GRIN2B: variants seen among roughly 807,000 people sequenced by gnomAD.
GRIN2B encodes glutamate receptor ionotropic, NMDA 2B.
In GRIN2B, 5 loss-of-function variants were observed where a neutral mutation model predicts 114.5. The observed-to-expected ratio is 0.04, with a 90% CI of 0.02 to 0.09. The LOEUF is 0.09. Among genes scored for constraint, GRIN2B ranks in the 10% least tolerant of loss-of-function variants. GRIN2B has a pLI of 1.00. For missense variants in GRIN2B, 1,108 were observed against 1,943.5 expected (o/e 0.57, Z 8.08); for synonymous variants, 787 against 745.1 (o/e 1.06, Z -0.92).
chr12:13,879,205 C>T (rs993223244), intron 2 of GRIN2B, among the ~76,000 whole-genome samples: 4 of 152,050 alleles, frequency 2.6e-5, no homozygotes, highest in Non-Finnish European at 4.4e-5. Context: ...ACACAAAGCT[C>T]GATGGTACAG....
chr12:13,622,428 G>C lies in GRIN2B; in HGVS notation c.1126-5771C>G, dbSNP rs572328036. 9.2e-5 allele frequency among the ~76,000 whole-genome samples: 14 copies of C among 152,186 alleles called. No individual in the cohort carries two copies. In the South Asian group the frequency reaches 1.2e-3, roughly 14 times the overall value. The stretch of plus-strand genomic sequence containing the variant: ...ACTCTGAATAGAGCAGAAATCCGAG[G>C]ACAGGAGGACACCCTCACTTCCCCA... On this transcript the variant is annotated intron_variant, in intron 5 of 13. Coordinates refer to ENST00000609686, the MANE Select transcript of GRIN2B (RefSeq NM_000834.5).
intron 2 of GRIN2B, among the ~76,000 whole-genome samples, chr12:13,947,869 G>C (rs1225627251): frequency 6.6e-6 from 1 of 152,130 alleles, no homozygotes; most frequent in Non-Finnish European, 1.5e-5. Flanking sequence ...GTTAAACCAC[G>C]CTGTAGGCTT....
chr12:13,919,267 T>C (rs1233935288), intron 2 of GRIN2B, among the ~76,000 whole-genome samples: 1 of 152,214 alleles, frequency 6.6e-6, no homozygotes, highest in African/African-American at 2.4e-5. Flanking sequence ...TAGTTTATAC[T>C]TTATGGTTCT....
intron 10 of GRIN2B, among the ~76,000 whole-genome samples, chr12:13,578,379 CTG>C (rs1948804965): frequency 1.3e-5 from 2 of 152,184 alleles, no homozygotes; most frequent in South Asian, 4.1e-4. Flanking sequence ...AAACCTCGCT[CTG>C]AGAGAATCGG....
chr12:13,605,395 G>A (rs779244932), intron 10 of GRIN2B, among the ~76,000 whole-genome samples: 5 of 152,104 alleles, frequency 3.3e-5, no homozygotes, highest in African/African-American at 4.8e-5. Context: ...TGCATAGATA[G>A]AGGTATGGTT....
chr12:13,885,404 A>G (rs1241881725), intron 2 of GRIN2B, among the ~76,000 whole-genome samples: 3 of 152,194 alleles, frequency 2.0e-5, no homozygotes, highest in African/African-American at 7.2e-5. Context: ...GCAAGTATAC[A>G]TTCCTAAGAG....
rs1275523450 is a variant in GRIN2B, at chr12:13,636,390, G to A, written c.1126-19733C>T. On this transcript the variant is annotated intron_variant, in intron 5 of 13. Coordinates refer to ENST00000609686, the MANE Select transcript of GRIN2B (RefSeq NM_000834.5). ...GTATGTGGTGGAAAGTCATGGCAGG[G>A]TTTTGAGCAAATAGCAGACACAAAC... 2.6e-5 allele frequency among the ~76,000 whole-genome samples: 4 copies of A among 152,152 alleles called. No individual in the cohort carries two copies. In the East Asian group the frequency reaches 7.7e-4, roughly 29 times the overall value.
chr12:13,576,161 A>ATT (rs5796551), intron 10 of GRIN2B, among the ~76,000 whole-genome samples: 1 of 152,174 alleles, frequency 6.6e-6, no homozygotes, highest in Non-Finnish European at 1.5e-5. Flanking sequence ...TAAAACAGAG[A>ATT]TTTTTTATAC....
At chr12:13,587,069 C>T (rs768427158) in intron 10 of GRIN2B, among the ~76,000 whole-genome samples, 2 of 152,068 alleles carry the variant, frequency 1.3e-5, no homozygotes, top group Non-Finnish European at 2.9e-5. Context: ...TATGAAGAGA[C>T]AATTAAATAT....
intron 2 of GRIN2B, among the ~76,000 whole-genome samples, chr12:13,885,710 A>G (rs1025895339): frequency 6.6e-6 from 1 of 152,230 alleles, no homozygotes; most frequent in Non-Finnish European, 1.5e-5. Context: ...TCCTAAAAGA[A>G]GTAGTATTCT....
intron 3 of GRIN2B, among the ~76,000 whole-genome samples, chr12:13,781,742 G>A (rs1864118670): frequency 6.6e-6 from 1 of 152,100 alleles, no homozygotes; most frequent in South Asian, 2.1e-4. Flanking sequence ...TCAGTATAAG[G>A]AAAATCTCTT....
chr12:13,894,054 T>G (rs908819262), intron 2 of GRIN2B, among the ~76,000 whole-genome samples: 5 of 152,042 alleles, frequency 3.3e-5, no homozygotes, highest in African/African-American at 1.2e-4. Context: ...ATAAAGATTT[T>G]TTATTTAGAT....
At chr12:13,944,103 G>A (rs542548481) in intron 2 of GRIN2B, among the ~76,000 whole-genome samples, 1 of 152,220 alleles carries the variant, frequency 6.6e-6, no homozygotes, top group East Asian at 1.9e-4. Context: ...ATATGGATGG[G>A]CCTATTCATT....
At chr12:13,593,724 T>C (rs998952485) in intron 10 of GRIN2B, among the ~76,000 whole-genome samples, 2 of 152,176 alleles carry the variant, frequency 1.3e-5, no homozygotes, top group African/African-American at 4.8e-5. Context: ...CAAAATAAAC[T>C]ATCATCAGAG....
chr12:13,938,814 A>G (rs1867177840), intron 2 of GRIN2B, among the ~76,000 whole-genome samples: 1 of 152,168 alleles, frequency 6.6e-6, no homozygotes, highest in Admixed American at 6.6e-5. Flanking sequence ...GTTGCTAGCT[A>G]TTACAGTTGC....
At chr12:13,734,202 T>C (rs1363075677) in intron 4 of GRIN2B, among the ~76,000 whole-genome samples, 1 of 152,134 alleles carries the variant, frequency 6.6e-6, no homozygotes, top group Non-Finnish European at 1.5e-5. Flanking sequence ...ACAAAATTCA[T>C]AGTAGATGAT....
At chr12:13,666,744 G>T (rs1234036633) in intron 5 of GRIN2B, among the ~76,000 whole-genome samples, 4 of 152,042 alleles carry the variant, frequency 2.6e-5, no homozygotes, top group Non-Finnish European at 5.9e-5. Flanking sequence ...TACAGCCTGT[G>T]CATGGCTGGT....
chr12:13,626,232 A>G (rs1002943423), intron 5 of GRIN2B, among the ~76,000 whole-genome samples: 18 of 152,222 alleles, frequency 1.2e-4, no homozygotes, highest in African/African-American at 4.3e-4. Context: ...CCACTCAAAC[A>G]GACCACTCCC....
At chr12:13,572,572 T>C (rs1948720580) in intron 10 of GRIN2B, among the ~76,000 whole-genome samples, 2 of 152,180 alleles carry the variant, frequency 1.3e-5, no homozygotes, top group African/African-American at 4.8e-5. Flanking sequence ...TTTAATTATG[T>C]TCCCTTTCTT....
Sources: allele counts gnomAD v4.1 joint callset (sites outside exome capture counted in the v4.1 genomes callset), GRCh38; gene constraint gnomAD v4.1.1; transcripts MANE v1.5; gene names NCBI Gene and HGNC (gene_info 2026-07-23, HGNC 2026-07-21).